RABGAP1L: variants seen among roughly 807,000 people sequenced by gnomAD.
RABGAP1L encodes RAB GTPase activating protein 1 like, also known as rab GTPase-activating protein 1-like.
A neutral mutation model predicts 137.7 loss-of-function variants in RABGAP1L; 63 were observed. That is an observed-to-expected ratio of 0.46 (90% CI 0.37 to 0.56). RABGAP1L has a LOEUF of 0.56. Among genes scored for constraint, RABGAP1L ranks in the 20% least tolerant of loss-of-function variants. RABGAP1L has a pLI of 0.00. For synonymous variants in RABGAP1L, 431 were observed against 433.7 expected (o/e 0.99, Z 0.08); for missense variants, 1,095 against 1,244.0 (o/e 0.88, Z 1.80).
intron 1 of RABGAP1L, among the ~76,000 whole-genome samples, chr1:174,178,725 C>G (rs558600531): frequency 9.2e-5 from 14 of 152,236 alleles, no homozygotes; most frequent in African/African-American, 3.1e-4. Flanking sequence ...AACAAACTAA[C>G]AAAGGAACAG....
intron 18 of RABGAP1L, among the ~76,000 whole-genome samples, chr1:174,758,053 A>C (rs1684906185): frequency 6.7e-6 from 1 of 150,346 alleles, no homozygotes; most frequent in East Asian, 1.9e-4. Context: ...TCTGAAGTGT[A>C]TCTTTGATGT....
At chr1:174,442,561 C>T (rs1352065588) in intron 13 of RABGAP1L, among the ~76,000 whole-genome samples, 2 of 151,902 alleles carry the variant, frequency 1.3e-5, no homozygotes. Context: ...AATTTTTTTC[C>T]AACTTTTATT....
intron 12 of RABGAP1L, among the ~76,000 whole-genome samples, chr1:174,384,593 C>T (rs182617719): frequency 6.6e-6 from 1 of 151,882 alleles, no homozygotes; most frequent in East Asian, 1.9e-4. Context: ...TTTCTCTTGT[C>T]AGAACAGTGC....
At chr1:174,926,801 A>G (rs986181786) in intron 19 of RABGAP1L, among the ~76,000 whole-genome samples, 4 of 152,000 alleles carry the variant, frequency 2.6e-5, no homozygotes, top group Admixed American at 6.6e-5. Context: ...ACAGCTGGAC[A>G]TGGTGGCTCA....
At chr1:174,540,140 G>A (rs985764244) in intron 13 of RABGAP1L, among the ~76,000 whole-genome samples, 8 of 152,218 alleles carry the variant, frequency 5.3e-5, no homozygotes, top group African/African-American at 1.9e-4. Context: ...TGATGGGGTA[G>A]TTTGATTTTT....
intron 17 of RABGAP1L, chr1:174,705,521 A>C (rs1232489867): frequency 6.6e-6 from 1 of 152,188 alleles, no homozygotes; most frequent in Non-Finnish European, 1.5e-5. Flanking sequence ...CCTGTACTCT[A>C]TAGCTGTTTA....
Position 174,223,264 on chromosome 1 carries a change from T to TAAAAAAAA in RABGAP1L, c.331+2122_331+2129dup, listed in dbSNP as rs550034492. On this transcript the variant is annotated intron_variant, in intron 3 of 25. Coordinates refer to ENST00000681986, the MANE Select transcript of RABGAP1L (RefSeq NM_001366446.1). ...GCCTGCGTGACAGTGAGACTCTGTC[T>TAAAAAAAA]AAAAAAAAAAAAAAAAAAAAAAAAA... is the stretch of plus-strand genomic sequence containing the variant. Among the ~76,000 whole-genome samples the TAAAAAAAA allele has an allele frequency of 3.1e-3, 124 of 39,898 alleles. 13 individuals are homozygous for TAAAAAAAA. Among genetic ancestry groups the TAAAAAAAA allele is most frequent in the South Asian group, 0.014 (5 of 364 alleles). 26.2% of individuals were successfully genotyped at this position (39,898 alleles called of 152,430 possible). A position where few individuals can be genotyped will look rare whatever the true frequency, so the allele number is the denominator to read the frequency against.
chr1:174,262,836 T>A (rs1479792348), intron 7 of RABGAP1L, among the ~76,000 whole-genome samples: 1 of 152,264 alleles, frequency 6.6e-6, no homozygotes, highest in Non-Finnish European at 1.5e-5. Context: ...ATTTCTTCTT[T>A]GCAGCAAGCA....
intron 13 of RABGAP1L, among the ~76,000 whole-genome samples, chr1:174,473,931 C>T (rs1186020597): frequency 6.6e-6 from 1 of 152,184 alleles, no homozygotes; most frequent in African/African-American, 2.4e-5. Context: ...CTTTCAAGTC[C>T]TTACAAACCC....
intron 18 of RABGAP1L, among the ~76,000 whole-genome samples, chr1:174,786,985 C>T (rs754685870): frequency 3.9e-5 from 6 of 152,126 alleles, no homozygotes; most frequent in African/African-American, 1.4e-4. Context: ...CTCAGAGTTT[C>T]ACTGGGAAGT....
intron 19 of RABGAP1L, among the ~76,000 whole-genome samples, chr1:174,932,067 T>G (rs1663926031): frequency 1.4e-5 from 2 of 146,420 alleles, no homozygotes; most frequent in African/African-American, 5.1e-5. Context: ...GACTATACCT[T>G]GAGCTCTGAA....
intron 13 of RABGAP1L, among the ~76,000 whole-genome samples, chr1:174,395,618 A>G (rs1003260338): frequency 1.3e-5 from 2 of 152,202 alleles, no homozygotes; most frequent in African/African-American, 4.8e-5. Context: ...TTTAAAACTT[A>G]TACAAGTAGT....
chr1:174,612,310 T>G (rs941380944), intron 13 of RABGAP1L, among the ~76,000 whole-genome samples: 2 of 152,230 alleles, frequency 1.3e-5, no homozygotes, highest in African/African-American at 4.8e-5. Flanking sequence ...TCTAATGAGA[T>G]AATCATGTGA....
chr1:174,958,363 C>T (rs539195147), intron 20 of RABGAP1L, among the ~76,000 whole-genome samples: 2 of 152,296 alleles, frequency 1.3e-5, no homozygotes, highest in East Asian at 3.9e-4. Flanking sequence ...AGTTGGGAAA[C>T]ACTTATTTCC....
At chr1:174,973,227 A>G (rs1670305695) in intron 21 of RABGAP1L, among the ~76,000 whole-genome samples, 1 of 152,194 alleles carries the variant, frequency 6.6e-6, no homozygotes. Flanking sequence ...CAGTAGAAAT[A>G]AGTGAAGTTG....
chr1:174,283,603 T>A (rs1675778435), intron 10 of RABGAP1L, among the ~76,000 whole-genome samples: 1 of 151,838 alleles, frequency 6.6e-6, no homozygotes, highest in South Asian at 2.1e-4. Context: ...GCCTCCCAGG[T>A]TCCAGTGATT....
At chr1:174,527,725 G>A (rs1350606193) in intron 13 of RABGAP1L, among the ~76,000 whole-genome samples, 1 of 152,072 alleles carries the variant, frequency 6.6e-6, no homozygotes, top group East Asian at 1.9e-4. Context: ...CTAATGCTGA[G>A]AGTGGAGTGT....
chr1:174,474,176 A>T (rs777143533), intron 13 of RABGAP1L, among the ~76,000 whole-genome samples: 1 of 152,204 alleles, frequency 6.6e-6, no homozygotes, highest in Non-Finnish European at 1.5e-5. Context: ...AAATTTATTC[A>T]ATACTTTCCA....
intron 13 of RABGAP1L, among the ~76,000 whole-genome samples, chr1:174,445,057 A>G (rs1184676030): frequency 6.6e-6 from 1 of 152,100 alleles, no homozygotes; most frequent in African/African-American, 2.4e-5. Flanking sequence ...ATAGAGTTTT[A>G]AGATTTTTAT....
Sources: allele counts gnomAD v4.1 joint callset (sites outside exome capture counted in the v4.1 genomes callset), GRCh38; gene constraint gnomAD v4.1.1; transcripts MANE v1.5; gene names NCBI Gene and HGNC (gene_info 2026-07-23, HGNC 2026-07-21).